NAV1: variants seen among roughly 807,000 people sequenced by gnomAD.
NAV1 encodes the protein pore membrane and/or filament interacting like protein 3.
NAV1 carries 18 observed loss-of-function variants against 175.2 expected under a neutral mutation model. That is an observed-to-expected ratio of 0.10 (90% CI 0.07 to 0.15). NAV1 has a LOEUF of 0.15. Ranked by LOEUF, NAV1 falls within the 10% of genes least tolerant of loss-of-function variation. The pLI, the probability that NAV1 is intolerant of heterozygous loss-of-function variation, is 1.00. For synonymous variants in NAV1, 897 were observed against 978.7 expected (o/e 0.92, Z 1.56); for missense variants, 1,731 against 2,436.6 (o/e 0.71, Z 6.10).
rs191535294 is a variant in NAV1, at chr1:201,778,231, C to T, written c.1227-2190C>T. On this transcript the variant is annotated intron_variant, in intron 3 of 29. Transcript: ENST00000367296. ...CCCTCTCCTCCATTTCAGTATTAAA[C>T]TTTCCATAAATGTGGGGCAAAGGAA... Among the ~76,000 whole-genome samples the T allele has an allele frequency of 1.2e-3, 177 of 152,294 alleles. 2 individuals carry two copies. The highest frequency in any genetic ancestry group is 3.8e-3 in the African/African-American group (160 of 41,572).
intron 1 of NAV1, among the ~76,000 whole-genome samples, chr1:201,626,799 C>T (rs1198142612): frequency 6.6e-6 from 1 of 152,234 alleles, no homozygotes; most frequent in Non-Finnish European, 1.5e-5. Flanking sequence ...ACTGGTGTCA[C>T]TACTGCAATT....
At chr1:201,790,135 G>A (rs1677016984) in intron 11 of NAV1, among the ~76,000 whole-genome samples, 2 of 152,136 alleles carry the variant, frequency 1.3e-5, no homozygotes, top group African/African-American at 4.8e-5. Context: ...AGATTTCTAG[G>A]ACCCGGACTC....
intron 1 of NAV1, among the ~76,000 whole-genome samples, chr1:201,683,837 C>T (rs1404158369): frequency 7.0e-6 from 1 of 142,264 alleles, no homozygotes; most frequent in Non-Finnish European, 1.5e-5. Context: ...AAGGAAGTCA[C>T]TGTGTGCAGC....
At chr1:201,690,680 T>C (rs1670884894) in intron 1 of NAV1, among the ~76,000 whole-genome samples, 1 of 147,806 alleles carries the variant, frequency 6.8e-6, no homozygotes, top group Non-Finnish European at 1.5e-5. Context: ...CTCCGTGGCC[T>C]GTCCGTGGCA....
chr1:201,679,464 T>C (rs1337494276), intron 1 of NAV1, among the ~76,000 whole-genome samples: 1 of 152,106 alleles, frequency 6.6e-6, no homozygotes, highest in Non-Finnish European at 1.5e-5. Flanking sequence ...GACCTCCTCC[T>C]TCCTCTCAAC....
At chr1:201,723,402 A>T (rs1337104189) in intron 3 of NAV1, 1 of 152,160 alleles carries the variant, frequency 6.6e-6, no homozygotes, top group East Asian at 1.9e-4. Context: ...CATTCTGTAG[A>T]TGTATCCTTT....
chr1:201,779,489 T>C (rs1057317325), intron 3 of NAV1, among the ~76,000 whole-genome samples: 1 of 149,364 alleles, frequency 6.7e-6, no homozygotes, highest in Non-Finnish European at 1.5e-5. Flanking sequence ...TCCCAGCTTC[T>C]TGAGAGGCTG....
intron 1 of NAV1, among the ~76,000 whole-genome samples, chr1:201,689,500 A>G (rs1385994164): frequency 6.6e-6 from 1 of 152,192 alleles, no homozygotes; most frequent in African/African-American, 2.4e-5. Flanking sequence ...AGGCCCCTCC[A>G]GAGACTCCTA....
At chr1:201,676,263 T>G (rs1670245034) in intron 1 of NAV1, among the ~76,000 whole-genome samples, 1 of 152,160 alleles carries the variant, frequency 6.6e-6, no homozygotes, top group African/African-American at 2.4e-5. Context: ...TCCCTCTGCT[T>G]TTAAGAGGAA....
At chr1:201,674,911 G>A (rs879378413) in intron 1 of NAV1, among the ~76,000 whole-genome samples, 9 of 151,772 alleles carry the variant, frequency 5.9e-5, no homozygotes, top group Admixed American at 3.3e-4. Flanking sequence ...GTGGTGGCGC[G>A]CACCTGTAAT....
At chr1:201,653,867 A>T (rs1571865327) in intron 1 of NAV1, among the ~76,000 whole-genome samples, 1 of 152,186 alleles carries the variant, frequency 6.6e-6, no homozygotes, top group African/African-American at 2.4e-5. Flanking sequence ...TAGAGAAGGC[A>T]CTGGCACAAA....
chr1:201,568,875 C>T lies in NAV1; in HGVS notation c.-143-19664C>T, dbSNP rs565867976. The stretch of plus-strand genomic sequence containing the variant: ...AGTTCAGATGTGCCTCATGCATGCG[C>T]AGAAGTTTGCGGGGGTCCTCTAGGT... On this transcript the variant is annotated intron_variant, in intron 1 of 33. Coordinates refer to the NAV1 transcript ENST00000685211. Among the ~76,000 whole-genome samples, 112 of 151,870 alleles carry T rather than the reference C, an allele frequency of 7.4e-4. 1 individual carries two copies. Among genetic ancestry groups the T allele is most frequent in the Non-Finnish European group, 4.6e-4 (31 of 68,022 alleles).
intron 3 of NAV1, among the ~76,000 whole-genome samples, chr1:201,729,750 C>T (rs1482182417): frequency 3.3e-5 from 5 of 150,534 alleles, no homozygotes; most frequent in African/African-American, 1.2e-4. Flanking sequence ...ACTAAAAATA[C>T]AAAAAATTAG....
chr1:201,593,896 G>A (rs1408462885), intron 2 of NAV1, among the ~76,000 whole-genome samples: 1 of 152,128 alleles, frequency 6.6e-6, no homozygotes, highest in Non-Finnish European at 1.5e-5. Context: ...GGCTCACCAG[G>A]ATGGGGATGA....
intron 1 of NAV1, among the ~76,000 whole-genome samples, chr1:201,684,831 C>A (rs1317440885): frequency 6.6e-6 from 1 of 150,956 alleles, no homozygotes; most frequent in African/African-American, 2.4e-5. Context: ...GGTGTGGTGG[C>A]GAGCGCCTGT....
intron 1 of NAV1, among the ~76,000 whole-genome samples, chr1:201,689,606 G>T (rs1445485443): frequency 6.6e-6 from 1 of 152,160 alleles, no homozygotes; most frequent in Non-Finnish European, 1.5e-5. Flanking sequence ...TGTCTTGCTG[G>T]AGCACATATA....
intron 2 of NAV1, among the ~76,000 whole-genome samples, chr1:201,594,507 T>C (rs1294031705): frequency 6.6e-6 from 1 of 152,172 alleles, no homozygotes; most frequent in Non-Finnish European, 1.5e-5. Flanking sequence ...GGGTTAGTCT[T>C]TGGTGGCAGA....
chr1:201,554,506 G>A (rs1051922881), intron 1 of NAV1, among the ~76,000 whole-genome samples: 2 of 152,222 alleles, frequency 1.3e-5, no homozygotes, highest in African/African-American at 4.8e-5. Flanking sequence ...GACATGCAAA[G>A]TCTGGGCTAG....
At chr1:201,781,113 T>C in exon 5 of NAV1, 2 of 1,614,206 alleles carry the variant, frequency 1.2e-6, no homozygotes, top group Non-Finnish European at 1.7e-6. Context: ...ACGACAGTGG[T>C]AGCCTGAAGA....
Sources: gnomAD v4.1 joint callset for allele counts (sites outside exome capture counted in the v4.1 genomes callset) on GRCh38, gnomAD v4.1.1 for gene constraint, MANE v1.5 for transcripts, NCBI Gene and HGNC (gene_info 2026-07-23, HGNC 2026-07-21) for gene names.